The following KATNIP variants were observed in gnomAD, a reference collection of about 807,000 sequenced individuals.
The protein encoded by KATNIP is katanin interacting protein.
A neutral mutation model predicts 174.0 loss-of-function variants in KATNIP; 126 were observed. The observed-to-expected ratio is 0.72, with a 90% CI of 0.63 to 0.84. KATNIP has a LOEUF of 0.84. KATNIP is among the 40% of genes least tolerant of loss of function. The probability of loss-of-function intolerance (pLI) is 0.00; values close to 1 mark genes in which losing one functional copy is unlikely to be tolerated. For missense variants in KATNIP, 1,958 were observed against 2,109.7 expected (o/e 0.93, Z 1.41); for synonymous variants, 810 against 835.7 (o/e 0.97, Z 0.53).
At chr16:27,707,098 C>G (rs1426992158) in intron 12 of KATNIP, among the ~76,000 whole-genome samples, 1 of 152,206 alleles carries the variant, frequency 6.6e-6, no homozygotes, top group Non-Finnish European at 1.5e-5. Context: ...GTGTGGCAAT[C>G]AAGGCCCCTC....
intron 6 of KATNIP, among the ~76,000 whole-genome samples, chr16:27,664,947 A>T (rs2077632929): frequency 6.6e-6 from 1 of 152,142 alleles, no homozygotes; most frequent in Admixed American, 6.5e-5. Context: ...GGCCGCTTTT[A>T]GGGCTGCAGC....
rs780713271 is a variant in KATNIP at position 27,761,443 on chromosome 16, G to T, written c.3662G>T (p.Gly1221Val). The change falls in exon 19 of 28, where the codon GGA (glycine) becomes GTA (valine). Residue 1221 changes from glycine (G) to valine (V), a missense_variant. By Grantham distance (109) the Gly-to-Val change is moderately radical. Coordinates refer to ENST00000261588, the MANE Select transcript of KATNIP (RefSeq NM_015202.5). ...CAGCTGAATTTCACTGCCTCCTGGG[G>T]AGACTTGCACTACCTGGGGCTCACT... Reference protein sequence around the residue: ...CLQLNFTASWGDLHYLGLTGL... With the variant: ...CLQLNFTASWVDLHYLGLTGL... The T allele has an allele frequency of 2.5e-6, 4 of 1,613,480 alleles. No homozygotes were observed. The highest frequency in any genetic ancestry group is 3.4e-6 in the Non-Finnish European group (4 of 1,179,724).
At chr16:27,653,319 G>C (rs1567256991) in intron 6 of KATNIP, among the ~76,000 whole-genome samples, 1 of 152,132 alleles carries the variant, frequency 6.6e-6, no homozygotes, top group Non-Finnish European at 1.5e-5. Context: ...GTGGCATGGG[G>C]TGAGTCTGGT....
chr16:27,717,349 T>C (rs560159535), intron 13 of KATNIP, among the ~76,000 whole-genome samples: 5 of 152,318 alleles, frequency 3.3e-5, no homozygotes, highest in Admixed American at 3.3e-4. Context: ...GTTATGTTAA[T>C]ACTGGAGTTA....
intron 2 of KATNIP, among the ~76,000 whole-genome samples, chr16:27,611,688 T>C (rs1025143058): frequency 1.3e-5 from 2 of 152,164 alleles, no homozygotes; most frequent in African/African-American, 4.8e-5. Flanking sequence ...ATAGCAGCCC[T>C]GTGAGGTAGA....
intron 1 of KATNIP, among the ~76,000 whole-genome samples, chr16:27,551,232 C>A (rs997124634): frequency 1.3e-5 from 2 of 152,210 alleles, no homozygotes; most frequent in Admixed American, 1.3e-4. Context: ...GATCATTTTT[C>A]TAATTACAGC....
At chr16:27,649,360 A>C (rs1049520021) in intron 6 of KATNIP, among the ~76,000 whole-genome samples, 1 of 152,182 alleles carries the variant, frequency 6.6e-6, no homozygotes, top group Non-Finnish European at 1.5e-5. Context: ...AGTCCTTTGA[A>C]CTGCAAAAGT....
intron 14 of KATNIP, among the ~76,000 whole-genome samples, chr16:27,734,896 G>T (rs1212014858): frequency 6.6e-6 from 1 of 152,198 alleles, no homozygotes; most frequent in Non-Finnish European, 1.5e-5. Context: ...CTTGGGGAAG[G>T]CATGTGCCTC....
chr16:27,725,228 C>T (rs1393644599), intron 14 of KATNIP, among the ~76,000 whole-genome samples: 1 of 152,222 alleles, frequency 6.6e-6, no homozygotes, highest in African/African-American at 2.4e-5. Flanking sequence ...ACAAATGAAT[C>T]ATCTCAATTA....
chr16:27,556,809 A>G (rs578117028), intron 1 of KATNIP, among the ~76,000 whole-genome samples: 107 of 152,368 alleles, frequency 7.0e-4, no homozygotes, highest in African/African-American at 2.4e-3. Flanking sequence ...ATCAAATGCA[A>G]TAAAACAAAG....
At position 27,721,577 on chromosome 16, in the gene KATNIP, C is replaced by G. The variant is rs538478191; in HGVS notation, c.1625C>G (p.Pro542Arg). Residue 542 changes from proline (P) to arginine (R), a missense_variant, in exon 14 of 28, where the codon CCG (proline) becomes CGG (arginine). Pro to Arg is a moderately radical substitution (Grantham distance 103). Coordinates refer to ENST00000261588, the MANE Select transcript of KATNIP (RefSeq NM_015202.5). Reference protein sequence around the residue: ...RNLAGKKDSSPWTCPFHPPLQ... With the variant: ...RNLAGKKDSSRWTCPFHPPLQ... ...TTCTAGGGCAAGAAAGACTCCTCCC[C>G]GTGGACCTGCCCCTTCCACCCACCA... 4 of 1,614,104 alleles carry G rather than the reference C, an allele frequency of 2.5e-6. No homozygotes were observed. The highest frequency in any genetic ancestry group is 1.1e-5 in the South Asian group (1 of 91,068).
chr16:27,769,773 G>A, intron 20 of KATNIP, 88 bp from the exon 21 acceptor site: 2 of 1,500,410 alleles, frequency 1.3e-6, no homozygotes, highest in Non-Finnish European at 1.8e-6. Flanking sequence ...GGTGAGCACA[G>A]CTGCCAGCAG....
chr16:27,746,541 G>A (rs527940331), intron 15 of KATNIP, among the ~76,000 whole-genome samples: 55 of 152,330 alleles, frequency 3.6e-4, no homozygotes, highest in African/African-American at 5.5e-4. Context: ...CACAATTGTG[G>A]TGCCAGTGTC....
At chr16:27,770,150 T>C in intron 21 of KATNIP, 132 bp downstream of exon 21, 1 of 1,082,802 alleles carries the variant, frequency 9.2e-7, no homozygotes, top group Non-Finnish European at 1.3e-6. Context: ...AACTTAGTCA[T>C]TTTCTAAAGC....
At chr16:27,691,465 A>G (rs1288534354) in intron 8 of KATNIP, among the ~76,000 whole-genome samples, 3 of 152,232 alleles carry the variant, frequency 2.0e-5, no homozygotes, top group African/African-American at 7.2e-5. Context: ...TAGGTCTGTG[A>G]TGGGAATAAA....
At chr16:27,574,121 G>A in intron 2 of KATNIP, 165 bp downstream of exon 2, 2 of 611,678 alleles carry the variant, frequency 3.3e-6, no homozygotes, top group Non-Finnish European at 5.8e-6. Context: ...CCAACCCAGT[G>A]TCACTTGTAA....
At chr16:27,716,575 A>T (rs1019683539) in intron 13 of KATNIP, among the ~76,000 whole-genome samples, 8 of 152,168 alleles carry the variant, frequency 5.3e-5, no homozygotes, top group African/African-American at 1.9e-4. Context: ...CAGGACCTTG[A>T]CATTGGTATA....
chr16:27,633,315 G>A (rs1407702106), intron 5 of KATNIP, among the ~76,000 whole-genome samples: 1 of 151,914 alleles, frequency 6.6e-6, no homozygotes, highest in African/African-American at 2.4e-5. Context: ...CCCACCCCCG[G>A]AGATTCTGAC....
At position 27,740,122 on chromosome 16, in the gene KATNIP, A is replaced by C. The variant is rs775671535; in HGVS notation, c.1825A>C (p.Arg609=). The change falls in exon 15 of 28, where the codon AGG becomes CGG. Residue 609 remains arginine (R), a synonymous_variant. Transcript: ENST00000261588. ...IFNGKLDKGD[R]EAPADHSILV... Reference sequence around the variant, plus strand: ...CAATGGCAAGTTAGACAAAGGAGATAGGGAGGCCCCAGCTGACCACAGCAT... The same window carrying C: ...CAATGGCAAGTTAGACAAAGGAGATCGGGAGGCCCCAGCTGACCACAGCAT... 3.1e-6 allele frequency: 5 copies of C among 1,614,214 alleles called. No individual in the cohort carries two copies. The East Asian group carries it at 8.9e-5, about 29-fold the overall frequency.
Sources: allele counts gnomAD v4.1 joint callset (sites outside exome capture counted in the v4.1 genomes callset), GRCh38; gene constraint gnomAD v4.1.1; transcripts MANE v1.5; gene names NCBI Gene and HGNC (gene_info 2026-07-23, HGNC 2026-07-21).